The following NINJ1 variants were observed in gnomAD, a reference collection of about 807,000 sequenced individuals.
NINJ1 encodes ninjurin 1, also known as ninjurin-1.
In NINJ1, 6 loss-of-function variants were observed where a neutral mutation model predicts 12.7. The observed-to-expected ratio is 0.47, with a 90% CI of 0.26 to 0.93. The LOEUF (loss-of-function observed/expected upper bound fraction) is 0.93. NINJ1 is among the 40% of genes least tolerant of loss of function. The pLI, the probability that NINJ1 is intolerant of heterozygous loss-of-function variation, is 0.15. For missense variants in NINJ1, 170 were observed against 213.0 expected (o/e 0.80, Z 1.26); for synonymous variants, 100 against 96.0 (o/e 1.04, Z -0.25).
chr9:93,133,709 A>G (rs1377873485), intron 1 of NINJ1, among the ~76,000 whole-genome samples: 1 of 152,220 alleles, frequency 6.6e-6, no homozygotes, highest in African/African-American at 2.4e-5. Flanking sequence ...TGGAGCCCGG[A>G]GGCTGTGACT....
intron 3 of NINJ1, among the ~76,000 whole-genome samples, chr9:93,124,340 T>A (rs1024751465): frequency 2.6e-5 from 4 of 152,132 alleles, no homozygotes; most frequent in Admixed American, 1.3e-4. Context: ...AGTAGTACGA[T>A]CTTAGCTCAC....
intron 1 of NINJ1, among the ~76,000 whole-genome samples, chr9:93,129,840 C>A (rs1233491337): frequency 6.6e-6 from 1 of 152,200 alleles, no homozygotes; most frequent in African/African-American, 2.4e-5. Flanking sequence ...GGACAGTCTG[C>A]TTCCCTGTCC....
rs200628483 is a variant in NINJ1, at chr9:93,126,512, C to T, written c.202G>A (p.Val68Met). 9.9e-6 allele frequency: 16 copies of T among 1,614,186 alleles called. No individual in the cohort carries two copies. In the Admixed American group the frequency reaches 1.7e-4, roughly 17 times the overall value. The change falls in exon 2 of 4, where the codon GTG becomes ATG. Residue 68 changes from valine to methionine, a missense_variant. By Grantham distance (21) the Val-to-Met change is conservative. Transcript: ENST00000375446. ...MANASQLKAV[V>M]EQGPSFAFYV... is the part of the protein sequence containing the mutation. The stretch of plus-strand genomic sequence containing the variant: ...AAGGCGAAGCTGGGGCCCTGTTCCA[C>T]GACGGCCTTCAGCTGGGACGCGTTG...
intron 1 of NINJ1, among the ~76,000 whole-genome samples, chr9:93,128,508 T>A (rs1362981267): frequency 2.0e-5 from 3 of 152,228 alleles, no homozygotes. Flanking sequence ...CAAGGGCCTG[T>A]GCCTGGCACT....
intron 2 of NINJ1, 35 bp downstream of exon 2, chr9:93,126,375 G>T: frequency 6.4e-7 from 1 of 1,565,638 alleles, no homozygotes; most frequent in Non-Finnish European, 8.8e-7. Flanking sequence ...AGCAAGGTGA[G>T]CAGGTGGCCT....
At chr9:93,129,136 C>A (rs1313978528) in intron 1 of NINJ1, among the ~76,000 whole-genome samples, 1 of 151,832 alleles carries the variant, frequency 6.6e-6, no homozygotes, top group African/African-American at 2.4e-5. Flanking sequence ...CCCCTGCTGT[C>A]CTCATGCCCA....
intron 1 of NINJ1, among the ~76,000 whole-genome samples, chr9:93,133,678 ACTGT>A (rs1045261355): frequency 2.0e-5 from 3 of 152,214 alleles, no homozygotes; most frequent in African/African-American, 4.8e-5. Flanking sequence ...GGGTGACGTA[ACTGT>A]CTGCATGCAG....
chr9:93,133,725 C>T lies in NINJ1; in HGVS notation c.75+418G>A, dbSNP rs564659228. On this transcript the variant is annotated intron_variant, in intron 1 of 3. Coordinates refer to ENST00000375446, the MANE Select transcript of NINJ1 (RefSeq NM_004148.4). ...GGAGCCCGGAGGCTGTGACTCCCCT[C>T]CGCCCGCCTCCGGGCAAAGTGCGCG... is the stretch of plus-strand genomic sequence containing the variant. Among the ~76,000 whole-genome samples, 5 of 152,330 alleles carry T rather than the reference C, an allele frequency of 3.3e-5. No individual in the cohort carries two copies. In the South Asian group the frequency reaches 1.0e-3, roughly 32 times the overall value.
chr9:93,134,071 GC>G, intron 1 of NINJ1, 71 bp downstream of exon 1: 2 of 1,234,146 alleles, frequency 1.6e-6, no homozygotes, highest in South Asian at 1.5e-5. Context: ...GCACACAGGT[GC>G]CCGGGGAGCC....
chr9:93,132,950 A>C (rs1280559984), intron 1 of NINJ1, among the ~76,000 whole-genome samples: 1 of 152,210 alleles, frequency 6.6e-6, no homozygotes, highest in Non-Finnish European at 1.5e-5. Flanking sequence ...ACTTCCCTGA[A>C]GGCAGGAGAG....
intron 1 of NINJ1, among the ~76,000 whole-genome samples, chr9:93,131,030 C>G (rs1827886124): frequency 6.6e-6 from 1 of 152,228 alleles, no homozygotes; most frequent in Non-Finnish European, 1.5e-5. Flanking sequence ...CCACCATATG[C>G]TAGGACCTGC....
At chr9:93,131,754 C>T (rs1178942529) in intron 1 of NINJ1, among the ~76,000 whole-genome samples, 2 of 152,204 alleles carry the variant, frequency 1.3e-5, no homozygotes, top group African/African-American at 2.4e-5. Flanking sequence ...GCCACAGGGG[C>T]GCAGGGCACA....
At chr9:93,130,449 G>A (rs1451863480) in intron 1 of NINJ1, among the ~76,000 whole-genome samples, 1 of 152,218 alleles carries the variant, frequency 6.6e-6, no homozygotes, top group Non-Finnish European at 1.5e-5. Flanking sequence ...TTGGATGGGA[G>A]GAGACAGGGT....
chr9:93,128,644 C>T (rs1236583740), intron 1 of NINJ1, among the ~76,000 whole-genome samples: 1 of 152,258 alleles, frequency 6.6e-6, no homozygotes, highest in Non-Finnish European at 1.5e-5. Flanking sequence ...CTAAGTTTCA[C>T]AAACCTCAAG....
rs539827939 is a variant in NINJ1, at chr9:93,124,650, T to C, written c.*9+249A>G. Among the ~76,000 whole-genome samples the C allele has an allele frequency of 2.0e-5, 3 of 152,152 alleles. No individual in the cohort carries two copies. The East Asian group carries it at 5.8e-4, about 29-fold the overall frequency. ...TTACGTTTAAGTGAGTTCTCCAGGATGTTCAAATGGTGGCTCCTACACACA... is the reference window on the plus strand; with the variant it reads ...TTACGTTTAAGTGAGTTCTCCAGGACGTTCAAATGGTGGCTCCTACACACA... On this transcript the variant is annotated intron_variant, in intron 3 of 3. Coordinates refer to ENST00000375446, the MANE Select transcript of NINJ1 (RefSeq NM_004148.4).
intron 3 of NINJ1, among the ~76,000 whole-genome samples, 168 bp downstream of exon 3, chr9:93,124,731 C>T (rs1431617638): frequency 6.6e-6 from 1 of 152,216 alleles, no homozygotes; most frequent in Non-Finnish European, 1.5e-5. Flanking sequence ...AGTGGCAGGG[C>T]TGGCCTCAAG....
chr9:93,133,130 G>A (rs1218488182), intron 1 of NINJ1, among the ~76,000 whole-genome samples: 1 of 152,114 alleles, frequency 6.6e-6, no homozygotes, highest in East Asian at 1.9e-4. Context: ...CCTGCAGTGC[G>A]ACAGCTCCTC....
chr9:93,127,951 C>T (rs939995865), intron 1 of NINJ1, among the ~76,000 whole-genome samples: 2 of 152,262 alleles, frequency 1.3e-5, no homozygotes, highest in Non-Finnish European at 2.9e-5. Flanking sequence ...AATACAGAAC[C>T]AGCAGAGGGC....
intron 2 of NINJ1, 92 bp downstream of exon 2, chr9:93,126,318 G>A: frequency 9.0e-7 from 1 of 1,106,014 alleles, no homozygotes; most frequent in South Asian, 1.5e-5. Flanking sequence ...TGAGAGCCAA[G>A]TGTGCAAGGT....
Sources: allele counts gnomAD v4.1 joint callset (sites outside exome capture counted in the v4.1 genomes callset), GRCh38; gene constraint gnomAD v4.1.1; transcripts MANE v1.5; gene names NCBI Gene and HGNC (gene_info 2026-07-23, HGNC 2026-07-21).